Variants in CTNNA3 observed in about 807,000 individuals in gnomAD.
CTNNA3 encodes the protein catenin alpha-3.
A neutral mutation model predicts 95.7 loss-of-function variants in CTNNA3; 76 were observed. The observed-to-expected ratio is 0.79, with a 90% CI of 0.66 to 0.96. The LOEUF is 0.96. CTNNA3 is among the 40% of genes least tolerant of loss of function. CTNNA3 has a pLI of 0.00. For synonymous variants in CTNNA3, 431 were observed against 374.4 expected (o/e 1.15, Z -1.74); for missense variants, 1,191 against 1,089.8 (o/e 1.09, Z -1.31).
At chr10:67,733,050 A>G (rs1196665063) in intron 1 of CTNNA3, among the ~76,000 whole-genome samples, 2 of 152,194 alleles carry the variant, frequency 1.3e-5, no homozygotes, top group East Asian at 3.8e-4. Flanking sequence ...GCAGCTGCAC[A>G]TTCCAACACC....
chr10:66,144,389 T>C (rs12415881), intron 13 of CTNNA3, among the ~76,000 whole-genome samples: 11,179 of 152,300 alleles, frequency 0.073, 515 homozygotes, highest in Admixed American at 0.12. Flanking sequence ...GAAACATTAC[T>C]AAATTCTGAA....
At chr10:67,064,606 T>C (rs913181629) in intron 7 of CTNNA3, among the ~76,000 whole-genome samples, 2 of 152,200 alleles carry the variant, frequency 1.3e-5, no homozygotes, top group African/African-American at 4.8e-5. Context: ...TTTTAATTTC[T>C]GTCCATGTCA....
chr10:66,049,244 C>A (rs984308620), intron 15 of CTNNA3, among the ~76,000 whole-genome samples: 2 of 152,176 alleles, frequency 1.3e-5, no homozygotes, highest in Non-Finnish European at 1.5e-5. Flanking sequence ...GAGATACAAT[C>A]TCATACCAGT....
chr10:66,354,081 G>A (rs1342805631), intron 12 of CTNNA3, among the ~76,000 whole-genome samples: 1 of 151,962 alleles, frequency 6.6e-6, no homozygotes, highest in East Asian at 1.9e-4. Flanking sequence ...TCAGGAGGTC[G>A]AGACCAGCCT....
At chr10:67,341,145 G>A (rs964710403) in intron 5 of CTNNA3, among the ~76,000 whole-genome samples, 5 of 152,064 alleles carry the variant, frequency 3.3e-5, no homozygotes, top group Admixed American at 6.5e-5. Context: ...ATCACATCAT[G>A]GAGGATGGGG....
At chr10:67,273,357 C>A (rs1839062008) in intron 5 of CTNNA3, among the ~76,000 whole-genome samples, 1 of 152,094 alleles carries the variant, frequency 6.6e-6, no homozygotes, top group Non-Finnish European at 1.5e-5. Flanking sequence ...CCATTAATCA[C>A]ATGAGAAGAT....
At chr10:66,143,991 T>C (rs1244096534) in intron 13 of CTNNA3, among the ~76,000 whole-genome samples, 2 of 152,242 alleles carry the variant, frequency 1.3e-5, no homozygotes, top group Non-Finnish European at 2.9e-5. Flanking sequence ...CTAATGATTG[T>C]ACTGTTTTCC....
chr10:67,419,056 T>C (rs1315285382), intron 5 of CTNNA3, among the ~76,000 whole-genome samples: 1 of 152,188 alleles, frequency 6.6e-6, no homozygotes, highest in Non-Finnish European at 1.5e-5. Context: ...TCTTGTTACA[T>C]TGACTTTGTT....
rs2132302842 is a variant in CTNNA3 at position 67,232,248 on chromosome 10, G to A, written c.580-12378C>T. Among the ~76,000 whole-genome samples the A allele has an allele frequency of 2.0e-5, 3 of 152,210 alleles. No homozygotes were observed. The Middle Eastern group carries it at 0.01, about 518-fold the overall frequency. On this transcript the variant is annotated intron_variant, in intron 5 of 17. Coordinates refer to ENST00000433211, the MANE Select transcript of CTNNA3 (RefSeq NM_013266.4). Reference sequence around the variant, plus strand: ...GTTAAAATGAAGGAAAAAATGTTAAGGGCAGCCAGAGACAAAGCTTGGGTT... The same window carrying A: ...GTTAAAATGAAGGAAAAAATGTTAAAGGCAGCCAGAGACAAAGCTTGGGTT...
chr10:67,093,730 T>C (rs887050416), intron 7 of CTNNA3, among the ~76,000 whole-genome samples: 1 of 152,030 alleles, frequency 6.6e-6, no homozygotes, highest in Admixed American at 6.6e-5. Flanking sequence ...ATCAGGTATT[T>C]ACCCTGGTGT....
At chr10:67,104,582 C>T (rs1858522915) in intron 7 of CTNNA3, among the ~76,000 whole-genome samples, 2 of 151,922 alleles carry the variant, frequency 1.3e-5, no homozygotes, top group South Asian at 4.1e-4. Context: ...CTTAAGTAGA[C>T]TCTCGACTCC....
rs538046536 is a variant in CTNNA3 at position 66,526,175 on chromosome 10, G to A, written c.1375-5402C>T. 2.0e-5 allele frequency among the ~76,000 whole-genome samples: 3 copies of A among 152,114 alleles called. No individual in the cohort carries two copies. The East Asian group carries it at 5.8e-4, about 29-fold the overall frequency. On this transcript the variant is annotated intron_variant, in intron 10 of 17. Coordinates refer to ENST00000433211, the MANE Select transcript of CTNNA3 (RefSeq NM_013266.4). The stretch of plus-strand genomic sequence containing the variant: ...TATTTGGGGTATATGCCCAGAAATG[G>A]AATTGCTGGATTATATGACAATTTT...
At chr10:66,338,100 A>G (rs1298938063) in intron 12 of CTNNA3, among the ~76,000 whole-genome samples, 1 of 152,084 alleles carries the variant, frequency 6.6e-6, no homozygotes, top group Non-Finnish European at 1.5e-5. Flanking sequence ...TATCTGCACA[A>G]TGGACTATTA....
chr10:66,052,569 G>C (rs528932008), intron 15 of CTNNA3, among the ~76,000 whole-genome samples: 1 of 152,084 alleles, frequency 6.6e-6, no homozygotes, highest in African/African-American at 2.4e-5. Context: ...TTTCAGAGTA[G>C]CAAAAATTTA....
intron 12 of CTNNA3, among the ~76,000 whole-genome samples, chr10:66,337,900 G>C (rs1333585616): frequency 6.6e-6 from 1 of 151,908 alleles, no homozygotes; most frequent in Admixed American, 6.6e-5. Flanking sequence ...TTCATTCCTA[G>C]GTATCTATAT....
intron 9 of CTNNA3, among the ~76,000 whole-genome samples, chr10:66,763,518 T>C (rs1839705939): frequency 1.3e-5 from 2 of 152,106 alleles, no homozygotes; most frequent in African/African-American, 4.8e-5. Context: ...AAACTTGGAA[T>C]GACCTTAGAT....
At chr10:66,764,355 C>T (rs181127117) in intron 9 of CTNNA3, among the ~76,000 whole-genome samples, 29 of 152,152 alleles carry the variant, frequency 1.9e-4, no homozygotes, top group African/African-American at 5.8e-4. Context: ...AAGTGTTCCT[C>T]GAAGGTAGTG....
intron 7 of CTNNA3, among the ~76,000 whole-genome samples, chr10:66,839,323 G>T (rs1421481434): frequency 6.6e-6 from 1 of 152,088 alleles, no homozygotes; most frequent in African/African-American, 2.4e-5. Context: ...AGGGGTAGCT[G>T]TCAGAAATGT....
chr10:65,921,150 A>G (rs1348660772), intron 17 of CTNNA3, among the ~76,000 whole-genome samples: 1 of 152,226 alleles, frequency 6.6e-6, no homozygotes, highest in African/African-American at 2.4e-5. Flanking sequence ...GACCAATTCT[A>G]CAAATGTTTA....
Sources: gnomAD v4.1 joint callset for allele counts (sites outside exome capture counted in the v4.1 genomes callset) on GRCh38, gnomAD v4.1.1 for gene constraint, MANE v1.5 for transcripts, NCBI Gene and HGNC (gene_info 2026-07-23, HGNC 2026-07-21) for gene names.